The following HNRNPL variants were observed in gnomAD, a reference collection of about 807,000 sequenced individuals.
The protein encoded by HNRNPL is heterogeneous nuclear ribonucleoprotein L.
Under a neutral mutation model 64.0 loss-of-function variants are expected in HNRNPL, and 12 were observed. The observed-to-expected ratio is 0.19, with a 90% CI of 0.12 to 0.30. The LOEUF (loss-of-function observed/expected upper bound fraction) is 0.30, where lower values mean the gene tolerates loss of function less well. HNRNPL is among the 10% of genes least tolerant of loss of function. The probability of loss-of-function intolerance (pLI) is 1.00; values close to 1 mark genes in which losing one functional copy is unlikely to be tolerated. For synonymous variants in HNRNPL, 385 were observed against 313.0 expected, an observed-to-expected ratio of 1.23 and a Z score of -2.43; for missense variants, 484 against 797.4, an observed-to-expected ratio of 0.61 and a Z score of 4.73.
rs1168856178 is a variant in HNRNPL, at chr19:38,840,510, C to T, written c.930G>A (p.Leu310=). Residue 310 remains leucine, a synonymous_variant, in exon 7 of 13, where the codon CTG becomes CTA. Transcript: ENST00000221419. The part of the protein sequence containing the change: ...PNKRQRQPPL[L]GDHPAEYGGP... Reference sequence around the variant, plus strand: ...CACCATATTCTGCGGGGTGATCTCCCAGGAGAGGGGGCTGCCTCTGGCGTT... The same window carrying T: ...CACCATATTCTGCGGGGTGATCTCCTAGGAGAGGGGGCTGCCTCTGGCGTT... The T allele has an allele frequency of 5.0e-6, 8 of 1,593,004 alleles. No individual in the cohort carries two copies. In the Admixed American group the frequency reaches 8.9e-5, roughly 18 times the overall value.
intron 12 of HNRNPL, 134 bp downstream of exon 12, chr19:38,837,250 C>A: frequency 1.4e-6 from 1 of 697,772 alleles, no homozygotes; most frequent in South Asian, 1.7e-5. Context: ...ATGAGCAGGT[C>A]CCACCTGCCT....
intron 10 of HNRNPL, among the ~76,000 whole-genome samples, chr19:38,838,096 C>A (rs1352551958): frequency 6.6e-6 from 1 of 152,208 alleles, no homozygotes; most frequent in Non-Finnish European, 1.5e-5. Context: ...GAAATTGGGC[C>A]CTCATCACTG....
chr19:38,839,098 C>T (rs2145410153), intron 8 of HNRNPL, 83 bp from the exon 9 acceptor site: 2 of 1,555,672 alleles, frequency 1.3e-6, no homozygotes, highest in Non-Finnish European at 1.8e-6. Flanking sequence ...GTGATAATAA[C>T]CCCTGCTCTG....
intron 8 of HNRNPL, chr19:38,839,425 C>T (rs1343910072): frequency 5.2e-6 from 1 of 191,372 alleles, no homozygotes; most frequent in African/African-American, 2.4e-5. Context: ...GGCAGTCTGG[C>T]TCTGAGTCCT....
At position 38,845,880 on chromosome 19, in the gene HNRNPL, G is replaced by A. The variant is rs373087889; in HGVS notation, c.597C>T (p.Ile199=). Residue 199 remains isoleucine (I), a synonymous_variant, in exon 3 of 13, where the codon ATC becomes ATT. Coordinates refer to ENST00000221419, the MANE Select transcript of HNRNPL (RefSeq NM_001533.3). ...TGGTGATCGAATAAATGGGGTTCAGGATGGTAAAGAGAAGCACACTGTTCA... is the reference window on the plus strand; with the variant it reads ...TGGTGATCGAATAAATGGGGTTCAGAATGGTAAAGAGAAGCACACTGTTCA... The part of the protein sequence containing the change: ...RSVNSVLLFT[I]LNPIYSITTD... The A allele has an allele frequency of 1.7e-5, 28 of 1,614,022 alleles. No individual in the cohort carries two copies. The highest frequency in any genetic ancestry group is 1.0e-4 in the Admixed American group (6 of 60,002).
intron 4 of HNRNPL, 94 bp from the exon 5 acceptor site, chr19:38,844,198 G>T: frequency 1.3e-6 from 1 of 794,020 alleles, no homozygotes. Context: ...AGCACCCCAA[G>T]ACTGTGGTAC....
chr19:38,838,857 C>G (rs761627186), intron 9 of HNRNPL, 37 bp downstream of exon 9: 2 of 1,613,478 alleles, frequency 1.2e-6, no homozygotes, highest in Non-Finnish European at 1.7e-6. Context: ...TTTCTCTCCC[C>G]TGTACCTCTG....
chr19:38,840,820 C>T, intron 6 of HNRNPL: 1 of 497,870 alleles, frequency 2.0e-6, no homozygotes. Flanking sequence ...ATTCTGTGCT[C>T]TCACCTACCC....
At chr19:38,850,579 AT>A (rs1428160105), upstream of HNRNPL, among the ~76,000 whole-genome samples, 2 of 152,220 alleles carry the variant, frequency 1.3e-5, no homozygotes, top group Non-Finnish European at 2.9e-5. Context: ...TTGGTGCAGT[AT>A]ACGAAACGAG....
rs1008573044 is a variant in HNRNPL, at chr19:38,840,730, C to G, written c.881-171G>C. 4.8e-6 allele frequency: 3 copies of G among 629,578 alleles called. No homozygotes were observed. In the African/African-American group the frequency reaches 5.7e-5, roughly 12 times the overall value. 39.0% of individuals were successfully genotyped at this position (629,578 alleles called of 1,614,324 possible). ...TCTGACCTACGGCGGGCATGAAGCCCGAGCCTCAAAGCTGGTGCCCACTCT... is the reference window on the plus strand; with the variant it reads ...TCTGACCTACGGCGGGCATGAAGCCGGAGCCTCAAAGCTGGTGCCCACTCT... On this transcript the variant is annotated intron_variant, in intron 6 of 12. Coordinates refer to ENST00000221419, the MANE Select transcript of HNRNPL (RefSeq NM_001533.3).
intron 12 of HNRNPL, 106 bp from the exon 13 acceptor site, chr19:38,836,886 G>GTCACTCCTTAGACCCCTGCCGTT: frequency 1.3e-6 from 1 of 758,168 alleles, no homozygotes; most frequent in Non-Finnish European, 2.2e-6. Flanking sequence ...GTCAACGGCA[G>GTCACTCCTTAGACCCCTGCCGTT]GGGTCTAAGG....
Position 38,840,221 on chromosome 19 carries a change from G to GGGGGGGCC in HNRNPL, c.1107_1108insGGCCCCCC (p.Pro370GlyfsTer28). The GGGGGGGCC allele has an allele frequency of 6.4e-7, 1 of 1,550,610 alleles. No individual in the cohort carries two copies. Among genetic ancestry groups the GGGGGGGCC allele is most frequent in the East Asian group, 2.3e-5 (1 of 43,836 alleles). On this transcript the variant is annotated frameshift_variant, in exon 8 of 13. Coordinates refer to ENST00000221419, the MANE Select transcript of HNRNPL (RefSeq NM_001533.3). LOFTEE classifies it high-confidence loss of function. ...TGAGGGCCATACTCGGGTGGTGGGG[G>GGGGGGGCC]AGGGGGTGGGGGGTGCCCATACTGG...
In HNRNPL at chr19:38,849,933, G is replaced by T. The variant is rs1347003173; in HGVS notation, c.34C>A (p.Arg12=). 1 of 1,366,790 alleles carries T rather than the reference G, an allele frequency of 7.3e-7. No individual in the cohort carries two copies. Among genetic ancestry groups the T allele is most frequent in the Non-Finnish European group, 9.7e-7 (1 of 1,029,840 alleles). 84.7% of individuals were successfully genotyped at this position (1,366,790 alleles called of 1,614,324 possible). A position where few individuals can be genotyped will look rare whatever the true frequency, so the allele number is the denominator to read the frequency against. Residue 12 remains arginine (R), a synonymous_variant, in exon 1 of 13, where the codon CGG becomes AGG. Transcript: ENST00000221419. The part of the protein sequence containing the change: ...SRRLLPRAEK[R]RRRLEQRQQP... ...TGCCTCTGCTCCAGCCGCCGACGCC[G>T]CTTCTCCGCCCGGGGCAGCAGCCTC...
chr19:38,848,711 C>A (rs1361340939), intron 1 of HNRNPL, among the ~76,000 whole-genome samples: 1 of 152,210 alleles, frequency 6.6e-6, no homozygotes, highest in African/African-American at 2.4e-5. Flanking sequence ...CTAGCTGTGC[C>A]ACCTACAGTA....
chr19:38,839,813 GATTC>G (rs1407540630), intron 8 of HNRNPL: 25 of 383,884 alleles, frequency 6.5e-5, no homozygotes, highest in Non-Finnish European at 1.1e-4. Flanking sequence ...CACTATAATG[GATTC>G]ATTTTTATGT....
At chr19:38,844,140 T>A (rs1227741479) in intron 4 of HNRNPL, 36 bp from the exon 5 acceptor site, 1 of 1,402,486 alleles carries the variant, frequency 7.1e-7, no homozygotes. Context: ...TCACAGGAGA[T>A]CTTTGAGAAG....
Position 38,845,853 on chromosome 19 carries a change from C to T in HNRNPL, c.624G>A (p.Thr208=), listed in dbSNP as rs202056313. 1.2e-5 allele frequency: 19 copies of T among 1,612,990 alleles called. No individual in the cohort carries two copies. The highest frequency in any genetic ancestry group is 8.9e-5 in the East Asian group (4 of 44,880). Residue 208 remains threonine (T), a splice_region_variant and synonymous_variant, in exon 3 of 13, where the codon ACG becomes ACA. Transcript: ENST00000221419. ...ACAAGAAATGCCTGCTGGCACGTACCGTGGTGATCGAATAAATGGGGTTCA... is the reference window on the plus strand; with the variant it reads ...ACAAGAAATGCCTGCTGGCACGTACTGTGGTGATCGAATAAATGGGGTTCA... ...TILNPIYSIT[T]DVLYTICNPC... is the part of the protein sequence containing the mutation.
intron 8 of HNRNPL, 80 bp from the exon 9 acceptor site, chr19:38,839,095 T>C (rs1972025095): frequency 1.1e-5 from 18 of 1,566,096 alleles, no homozygotes; most frequent in East Asian, 2.3e-5. Context: ...TTAGTGATAA[T>C]AACCCCTGCT....
chr19:38,840,541 G>T lies in HNRNPL; in HGVS notation c.899C>A (p.Pro300His). ...LSGQGDPGSN[P>H]NKRQRQPPLL... The stretch of plus-strand genomic sequence containing the variant: ...AGGGGGCTGCCTCTGGCGTTTGTTG[G>T]GGTTGCTGCCAGGGTCACCTGTGGA... Residue 300 changes from proline (P) to histidine (H), a missense_variant, in exon 7 of 13, where the codon CCC becomes CAC. By Grantham distance (77) the Pro-to-His change is moderately conservative (BLOSUM62 -2). Transcript: ENST00000221419. 5.0e-6 allele frequency: 8 copies of T among 1,590,330 alleles called. No homozygotes were observed. The highest frequency in any genetic ancestry group is 1.1e-5 in the South Asian group (1 of 87,588).
Sources: allele counts gnomAD v4.1 joint callset (sites outside exome capture counted in the v4.1 genomes callset), GRCh38; gene constraint gnomAD v4.1.1; transcripts MANE v1.5; gene names NCBI Gene and HGNC (gene_info 2026-07-23, HGNC 2026-07-21).